The following GIT2 variants were observed in gnomAD, a reference collection of about 807,000 sequenced individuals.
GIT2 encodes the protein GIT ArfGAP 2.
A neutral mutation model predicts 100.3 loss-of-function variants in GIT2; 32 were observed. The ratio of observed to expected loss-of-function variants is 0.32; its 90% CI spans 0.24 to 0.43. The LOEUF (loss-of-function observed/expected upper bound fraction) is 0.43, where lower values mean the gene tolerates loss of function less well. Ranked by LOEUF, GIT2 falls within the 20% of genes least tolerant of loss-of-function variation. The pLI, the probability that GIT2 is intolerant of heterozygous loss-of-function variation, is 1.00. For synonymous variants in GIT2, 353 were observed against 364.1 expected, an observed-to-expected ratio of 0.97 and a Z score of 0.35; for missense variants, 737 against 975.1, an observed-to-expected ratio of 0.76 and a Z score of 3.25.
At chr12:109,985,435 G>A (rs752451057) in intron 4 of GIT2, among the ~76,000 whole-genome samples, 2 of 152,150 alleles carry the variant, frequency 1.3e-5, no homozygotes, top group African/African-American at 2.4e-5. Context: ...GGGAAAAAAG[G>A]CCAGATGTGG....
intron 7 of GIT2, among the ~76,000 whole-genome samples, chr12:109,976,105 T>TAC (rs145928011): frequency 2.2e-4 from 33 of 149,130 alleles, no homozygotes; most frequent in Middle Eastern, 3.4e-3. Flanking sequence ...GAAATTACTA[T>TAC]ACACACACAC....
intron 4 of GIT2, among the ~76,000 whole-genome samples, chr12:109,984,548 G>A (rs1566012073): frequency 6.6e-6 from 1 of 152,148 alleles, no homozygotes; most frequent in Non-Finnish European, 1.5e-5. Flanking sequence ...CTGGGCTCAA[G>A]CAATCCTTCC....
At chr12:109,998,226 A>G (rs1889718730), upstream of GIT2, 1 of 152,244 alleles carries the variant, frequency 6.6e-6, no homozygotes, top group Non-Finnish European at 1.5e-5. Flanking sequence ...TAATCACAGA[A>G]TTCCCACGCA....
At chr12:109,974,676 G>A (rs1390402170) in intron 7 of GIT2, among the ~76,000 whole-genome samples, 1 of 152,152 alleles carries the variant, frequency 6.6e-6, no homozygotes, top group African/African-American at 2.4e-5. Context: ...TTTGTCTTAT[G>A]ACCCAGGATA....
chr12:109,953,480 C>T, intron 12 of GIT2: 1 of 394,920 alleles, frequency 2.5e-6, no homozygotes, highest in East Asian at 5.0e-5. Context: ...ATTATCCAGG[C>T]CTGGTGTCAC....
intron 4 of GIT2, among the ~76,000 whole-genome samples, chr12:109,988,402 G>C (rs1357682535): frequency 1.3e-5 from 2 of 151,852 alleles, no homozygotes; most frequent in Non-Finnish European, 2.9e-5. Flanking sequence ...ATATTAGCTG[G>C]GTATGGTAAT....
chr12:109,931,820 C>CT lies in GIT2; in HGVS notation c.*1157dup, dbSNP rs1300194213. ...CATGTTCCAGCACTTCAACCTTACTCTTTCAGAGCTTTGGGGTAGCAGGCA... is the reference window on the plus strand; with the variant it reads ...CATGTTCCAGCACTTCAACCTTACTCTTTTCAGAGCTTTGGGGTAGCAGGCA... On this transcript the variant is annotated 3_prime_UTR_variant, in exon 20 of 20. Transcript: ENST00000355312. 1.3e-5 allele frequency: 2 copies of CT among 152,234 alleles called. No individual in the cohort carries two copies. The highest frequency in any genetic ancestry group is 2.9e-5 in the Non-Finnish European group (2 of 68,044). 9.4% of individuals were successfully genotyped at this position (152,234 alleles called of 1,614,324 possible). A position where few individuals can be genotyped will look rare whatever the true frequency, so the allele number is the denominator to read the frequency against.
At chr12:109,945,910 G>T (rs894087960) in intron 15 of GIT2, among the ~76,000 whole-genome samples, 3 of 152,006 alleles carry the variant, frequency 2.0e-5, no homozygotes, top group African/African-American at 7.2e-5. Flanking sequence ...TGAGGCGGGC[G>T]GATTGCCTGA....
In GIT2 at chr12:109,933,442, T is replaced by G; in HGVS notation, c.2068-252A>C. The stretch of plus-strand genomic sequence containing the variant: ...AGTAGTATGTGGTATTTTGAAGTAG[T>G]TTTTGAAAAATATTAATCCATGTGG... On this transcript the variant is annotated intron_variant, in intron 19 of 19. Transcript: ENST00000355312. The surrounding 1 kb of genome is among the most constrained non-coding windows in gnomAD (Gnocchi z 4.5). 3 of 400,746 alleles carry G rather than the reference T, an allele frequency of 7.5e-6. No individual in the cohort carries two copies. Among genetic ancestry groups the G allele is most frequent in the Non-Finnish European group, 1.3e-5 (3 of 223,482 alleles). 24.8% of individuals were successfully genotyped at this position (400,746 alleles called of 1,614,324 possible).
chr12:109,949,497 G>A (rs1212147187), intron 14 of GIT2, among the ~76,000 whole-genome samples: 1 of 152,218 alleles, frequency 6.6e-6, no homozygotes, highest in Non-Finnish European at 1.5e-5. Context: ...TATTTAGAGA[G>A]ATGTCTTCAC....
chr12:109,983,236 T>C (rs1886675525), intron 6 of GIT2, 137 bp downstream of exon 6: 3 of 782,124 alleles, frequency 3.8e-6, no homozygotes, highest in South Asian at 3.7e-5. Context: ...GCATTTGAAA[T>C]GTCTTCATCT....
intron 4 of GIT2, among the ~76,000 whole-genome samples, chr12:109,986,428 G>C (rs549302834): frequency 2.4e-4 from 36 of 152,218 alleles, no homozygotes; most frequent in Non-Finnish European, 2.9e-4. Flanking sequence ...TTAGGAGTTC[G>C]AGACCAGCCT....
chr12:109,989,579 TA>T, intron 3 of GIT2, 110 bp downstream of exon 3: 1 of 649,686 alleles, frequency 1.5e-6, no homozygotes. Context: ...ACAACTAGGG[TA>T]ACCCCCTCCT....
chr12:109,983,803 C>A, intron 4 of GIT2, 109 bp from the exon 5 acceptor site: 2 of 680,238 alleles, frequency 2.9e-6, no homozygotes, highest in Admixed American at 5.4e-5. Flanking sequence ...AACGCATAAT[C>A]TTTATTTGTC....
chr12:109,999,725 C>A, upstream of GIT2: 2 of 1,537,960 alleles, frequency 1.3e-6, no homozygotes, highest in Non-Finnish European at 8.8e-7. The surrounding 1 kb of genome is among the most constrained non-coding windows in gnomAD (Gnocchi z 4.3). Flanking sequence ...CCACTACCCC[C>A]TGCACCTCCT....
At chr12:109,953,353 C>T (rs1878453881) in intron 12 of GIT2, 119 bp from the exon 13 acceptor site, 2 of 934,360 alleles carry the variant, frequency 2.1e-6, no homozygotes, top group Non-Finnish European at 3.3e-6. Context: ...GAATGCTGTG[C>T]TCTTGCCTGT....
chr12:109,964,206 C>T (rs922551473), intron 9 of GIT2, among the ~76,000 whole-genome samples: 6 of 152,126 alleles, frequency 3.9e-5, no homozygotes, highest in Non-Finnish European at 8.8e-5. Context: ...CAAAGCTTAT[C>T]ATCTTGATCA....
chr12:109,992,923 C>T (rs560906903), intron 1 of GIT2, among the ~76,000 whole-genome samples: 45 of 152,006 alleles, frequency 3.0e-4, no homozygotes, highest in Admixed American at 1.4e-3. Flanking sequence ...CCACTCACCT[C>T]GACCTCCTAA....
At chr12:109,935,057 G>T (rs1180093663) in intron 18 of GIT2, among the ~76,000 whole-genome samples, 1 of 150,960 alleles carries the variant, frequency 6.6e-6, no homozygotes, top group Non-Finnish European at 1.5e-5. Flanking sequence ...CAGCCTAGGG[G>T]ATAAAAGCGA....
Sources: allele counts gnomAD v4.1 joint callset (sites outside exome capture counted in the v4.1 genomes callset), GRCh38; gene constraint gnomAD v4.1.1; non-coding constraint Gnocchi (gnomAD v3.1); transcripts MANE v1.5; gene names NCBI Gene and HGNC (gene_info 2026-07-23, HGNC 2026-07-21).